WDR17: variants seen among roughly 807,000 people sequenced by gnomAD.
The protein encoded by WDR17 is WD repeat domain 17, also known as WD repeat-containing protein 17.
In WDR17, 143 loss-of-function variants were observed where a neutral mutation model predicts 161.7. The ratio of observed to expected loss-of-function variants is 0.88; its 90% CI spans 0.77 to 1.02. WDR17 has a LOEUF of 1.02. Among genes scored for constraint, WDR17 ranks in the 50% least tolerant of loss-of-function variants. The pLI, the probability that WDR17 is intolerant of heterozygous loss-of-function variation, is 0.00. For synonymous variants in WDR17, 517 were observed against 515.6 expected, an observed-to-expected ratio of 1.00 and a Z score of -0.04; for missense variants, 1,469 against 1,520.9, an observed-to-expected ratio of 0.97 and a Z score of 0.57.
intron 1 of WDR17, among the ~76,000 whole-genome samples, chr4:176,083,844 TG>T (rs1735072532): frequency 6.6e-6 from 1 of 152,134 alleles, no homozygotes; most frequent in Non-Finnish European, 1.5e-5. Flanking sequence ...TCTGTGGTAT[TG>T]TGCAGTTTAG....
chr4:176,135,910 A>G (rs1192718914), intron 8 of WDR17, among the ~76,000 whole-genome samples: 1 of 151,664 alleles, frequency 6.6e-6, no homozygotes, highest in Admixed American at 6.6e-5. Flanking sequence ...TAATAGTAAT[A>G]TATTAATTCA....
intron 7 of WDR17, among the ~76,000 whole-genome samples, chr4:176,133,516 A>G (rs1208220576): frequency 6.6e-6 from 1 of 151,340 alleles, no homozygotes; most frequent in Non-Finnish European, 1.5e-5. Flanking sequence ...ATTCTAATAA[A>G]TGCCGAATAC....
chr4:176,142,221 G>A (rs1049351454), intron 11 of WDR17, 152 bp downstream of exon 11: 5 of 480,764 alleles, frequency 1.0e-5, no homozygotes, highest in African/African-American at 2.0e-5. Flanking sequence ...CCTTGTAATT[G>A]CTCATTTATT....
chr4:176,171,532 T>C (rs1166626223), intron 23 of WDR17, among the ~76,000 whole-genome samples: 1 of 152,176 alleles, frequency 6.6e-6, no homozygotes, highest in Non-Finnish European at 1.5e-5. Flanking sequence ...AAATGTTCAT[T>C]TTACCTAATT....
chr4:176,168,970 C>T (rs934024180), intron 23 of WDR17, among the ~76,000 whole-genome samples, 187 bp downstream of exon 23: 2 of 152,140 alleles, frequency 1.3e-5, no homozygotes, highest in African/African-American at 4.8e-5. Flanking sequence ...GCTTGGCACT[C>T]TTCTAAATCT....
chr4:176,165,350 C>G (rs1267980976), intron 22 of WDR17, among the ~76,000 whole-genome samples: 1 of 151,834 alleles, frequency 6.6e-6, no homozygotes. Context: ...GCCTGGGCAA[C>G]AAGAGTGAAA....
intron 1 of WDR17, among the ~76,000 whole-genome samples, chr4:176,066,638 T>A (rs973832320): frequency 6.6e-6 from 1 of 152,110 alleles, no homozygotes; most frequent in African/African-American, 2.4e-5. Context: ...CTTGCAAAGA[T>A]TGAAAGGAAC....
chr4:176,170,087 C>T lies in WDR17; in HGVS notation c.3102+1304C>T, dbSNP rs528060091. Among the ~76,000 whole-genome samples the T allele has an allele frequency of 2.6e-4, 40 of 152,154 alleles. No individual in the cohort carries two copies. The South Asian group carries it at 3.3e-3, about 13-fold the overall frequency. On this transcript the variant is annotated intron_variant, in intron 23 of 28. Transcript: ENST00000508596. ...ATCAAGACTCAGAGAGGCTAAATGG[C>T]TTGTCTAAGCTTTAAGACTTAAACT...
intron 1 of WDR17, among the ~76,000 whole-genome samples, chr4:176,109,415 T>A (rs368525597): frequency 2.7e-4 from 41 of 152,312 alleles, no homozygotes; most frequent in African/African-American, 9.4e-4. Flanking sequence ...GGAAAGTTTC[T>A]GAATACATAA....
chr4:176,148,651 A>G (rs1396261789), intron 13 of WDR17, among the ~76,000 whole-genome samples: 1 of 152,216 alleles, frequency 6.6e-6, no homozygotes, highest in Non-Finnish European at 1.5e-5. Context: ...GCATATATAC[A>G]TGTATGGCTT....
intron 10 of WDR17, 32 bp from the exon 11 acceptor site, chr4:176,141,951 T>C: frequency 1.4e-6 from 2 of 1,472,616 alleles, no homozygotes; most frequent in Admixed American, 1.9e-5. Context: ...TAGAGTATTG[T>C]TTTTCTATTA....
In WDR17 at chr4:176,174,651, A is replaced by G. The variant is rs769065405; in HGVS notation, c.3382A>G (p.Ile1128Val). ...TGAGTTGCTGATATTATGTGGTTAC[A>G]TTGGTGCATTACTGGCTATCAGAAG... ...RNELLILCGY[I>V]GALLAIRRQY... Residue 1128 changes from isoleucine to valine, a missense_variant, in exon 26 of 29, where the codon ATT (isoleucine) becomes GTT (valine). Physicochemically the swap from Ile to Val is conservative, Grantham distance 29. Transcript: ENST00000508596. The G allele has an allele frequency of 8.1e-6, 13 of 1,612,256 alleles. No homozygotes were observed. In the South Asian group the frequency reaches 1.3e-4, roughly 16 times the overall value.
chr4:176,137,567 A>G lies in WDR17; in HGVS notation c.1315A>G (p.Ile439Val), dbSNP rs140291688. Residue 439 changes from isoleucine (I) to valine (V), a missense_variant, in exon 9 of 29, where the codon ATT (isoleucine) becomes GTT (valine). Physicochemically the swap from Ile to Val is conservative, Grantham distance 29 (BLOSUM62 3). Coordinates refer to ENST00000508596, the MANE Select transcript of WDR17 (RefSeq NM_181265.4). ...GGGAACTTCCCGAAATGGTGCTTTTATTTGGAATGTTCAAAAGGGCAAAAT... is the reference window on the plus strand; with the variant it reads ...GGGAACTTCCCGAAATGGTGCTTTTGTTTGGAATGTTCAAAAGGGCAAAAT... ...AGGTSRNGAF[I>V]WNVQKGKIIQ... 4 of 1,600,570 alleles carry G rather than the reference A, an allele frequency of 2.5e-6. No homozygotes were observed. The highest frequency in any genetic ancestry group is 1.1e-5 in the South Asian group (1 of 88,972).
At position 176,163,142 on chromosome 4, in the gene WDR17, T is replaced by C. The variant is rs751788025; in HGVS notation, c.2851-12T>C. The C allele has an allele frequency of 1.2e-6, 2 of 1,614,054 alleles. No individual in the cohort carries two copies. The highest frequency in any genetic ancestry group is 1.7e-6 in the Non-Finnish European group (2 of 1,179,960). On this transcript the variant is annotated splice_polypyrimidine_tract_variant and intron_variant, in intron 21 of 28. Transcript: ENST00000508596. The stretch of plus-strand genomic sequence containing the variant: ...CTATGCAACTGAAGAAATTATTTTC[T>C]TATTGAGCAAGCTTGCTATGGCATA...
At chr4:176,172,016 C>T (rs1193785418) in intron 23 of WDR17, among the ~76,000 whole-genome samples, 4 of 152,024 alleles carry the variant, frequency 2.6e-5, no homozygotes, top group Non-Finnish European at 5.9e-5. Context: ...GTTTTTGCGC[C>T]GTTATGGTCA....
intron 7 of WDR17, among the ~76,000 whole-genome samples, chr4:176,132,238 T>C (rs2126760746): frequency 6.6e-6 from 1 of 152,244 alleles, no homozygotes; most frequent in African/African-American, 2.4e-5. Flanking sequence ...GATCCCACAT[T>C]TTTGTCTGGT....
At position 176,142,022 on chromosome 4, in the gene WDR17, T is replaced by A. The variant is rs1008070309; in HGVS notation, c.1482T>A (p.Tyr494Ter). 1 of 1,610,344 alleles carries A rather than the reference T, an allele frequency of 6.2e-7. No homozygotes were observed. The highest frequency in any genetic ancestry group is 1.3e-5 in the African/African-American group (1 of 75,002). Residue 494 changes from tyrosine to a stop codon, truncating the protein, a stop_gained, in exon 11 of 29, where the codon TAT becomes TAA. Transcript: ENST00000508596. LOFTEE classifies it high-confidence loss of function. ...TTGATGGTAAAGTGCTACACAAATATAAACATCCAGCTGCAGTGTTTGGTT... is the reference window on the plus strand; with the variant it reads ...TTGATGGTAAAGTGCTACACAAATAAAAACATCCAGCTGCAGTGTTTGGTT... Reference protein sequence around the residue: ...RTIDGKVLHKYKHPAAVFGCD... With the variant: ...RTIDGKVLHK
At chr4:176,079,952 T>TAATTCATTAATCCATGAATGGATTAA (rs1403887593) in intron 1 of WDR17, among the ~76,000 whole-genome samples, 2 of 152,082 alleles carry the variant, frequency 1.3e-5, no homozygotes, top group Non-Finnish European at 2.9e-5. Context: ...ATTGAGCCAC[T>TAATTCATTAATCCATGAATGGATTAA]AATTCATTAA....
intron 10 of WDR17, among the ~76,000 whole-genome samples, chr4:176,140,413 G>T (rs6834458): frequency 0.26 from 39,906 of 151,888 alleles, 5,474 homozygotes; most frequent in African/African-American, 0.33. Flanking sequence ...AAAAGCCTTT[G>T]CAAGGAGAAA....
Sources: allele counts gnomAD v4.1 joint callset (sites outside exome capture counted in the v4.1 genomes callset), GRCh38; gene constraint gnomAD v4.1.1; transcripts MANE v1.5; gene names NCBI Gene and HGNC (gene_info 2026-07-23, HGNC 2026-07-21).